ANKRD28: variants seen among roughly 807,000 people sequenced by gnomAD.
The protein encoded by ANKRD28 is serine/threonine-protein phosphatase 6 regulatory ankyrin repeat subunit A.
A neutral mutation model predicts 126.5 loss-of-function variants in ANKRD28; 44 were observed. The ratio of observed to expected loss-of-function variants is 0.35; its 90% CI spans 0.27 to 0.45. ANKRD28 has a LOEUF of 0.45. Ranked by LOEUF, ANKRD28 falls within the 20% of genes least tolerant of loss-of-function variation. The pLI, the probability that ANKRD28 is intolerant of heterozygous loss-of-function variation, is 1.00. For missense variants in ANKRD28, 1,110 were observed against 1,316.6 expected (o/e 0.84, Z 2.43); for synonymous variants, 442 against 468.5 (o/e 0.94, Z 0.73).
intron 21 of ANKRD28, among the ~76,000 whole-genome samples, chr3:15,681,454 AG>A (rs2067538363): frequency 6.6e-6 from 1 of 152,208 alleles, no homozygotes; most frequent in Non-Finnish European, 1.5e-5. Context: ...TTCCAGAGCC[AG>A]GGTTTTAATT....
intron 2 of ANKRD28, among the ~76,000 whole-genome samples, chr3:15,768,217 T>C (rs1004635525): frequency 1.3e-5 from 2 of 152,230 alleles, no homozygotes; most frequent in Non-Finnish European, 2.9e-5. Flanking sequence ...TGAAAAATTA[T>C]ACTTCATTTT....
intron 4 of ANKRD28, among the ~76,000 whole-genome samples, chr3:15,746,576 G>C (rs1402649129): frequency 1.3e-5 from 2 of 152,146 alleles, no homozygotes; most frequent in East Asian, 3.8e-4. Flanking sequence ...CCTGATCATG[G>C]TGGATTATCT....
intron 7 of ANKRD28, 110 bp from the exon 8 acceptor site, chr3:15,721,237 G>C: frequency 1.1e-6 from 1 of 884,516 alleles, no homozygotes; most frequent in Admixed American, 2.3e-5. Context: ...GTGAGAAACG[G>C]AGACAAGATA....
chr3:15,745,725 T>A (rs1018808723), intron 4 of ANKRD28, among the ~76,000 whole-genome samples: 2 of 91,560 alleles, frequency 2.2e-5, no homozygotes, highest in African/African-American at 5.9e-5. Context: ...TTTCAGAATT[T>A]TTTTTTTCTA....
intron 1 of ANKRD28, chr3:15,859,315 G>A: frequency 6.6e-7 from 1 of 1,510,480 alleles, no homozygotes; most frequent in African/African-American, 1.4e-5. Flanking sequence ...CCACACCGCC[G>A]GTCCGCCCTG....
At chr3:15,855,178 G>A (rs1036422993) in intron 1 of ANKRD28, among the ~76,000 whole-genome samples, 14 of 152,034 alleles carry the variant, frequency 9.2e-5, no homozygotes, top group African/African-American at 3.4e-4. Context: ...GATTTCCCAA[G>A]AACCGTCATT....
intron 7 of ANKRD28, among the ~76,000 whole-genome samples, chr3:15,721,542 T>C (rs1410093538): frequency 2.6e-5 from 4 of 152,196 alleles, no homozygotes; most frequent in Admixed American, 2.6e-4. Flanking sequence ...TTCATCTTTT[T>C]CATTTTGCAG....
At chr3:15,692,731 A>G (rs375403640) in intron 17 of ANKRD28, among the ~76,000 whole-genome samples, 1 of 152,222 alleles carries the variant, frequency 6.6e-6, no homozygotes, top group African/African-American at 2.4e-5. Context: ...TGAAATGCAA[A>G]AGTGGTGGTA....
chr3:15,782,802 C>G (rs1486485570), intron 2 of ANKRD28, among the ~76,000 whole-genome samples: 3 of 152,078 alleles, frequency 2.0e-5, no homozygotes, highest in Non-Finnish European at 4.4e-5. Context: ...AGAGTGGGAA[C>G]CTGGGCGAGA....
chr3:15,677,326 T>C (rs1359942856), intron 25 of ANKRD28, among the ~76,000 whole-genome samples, 154 bp downstream of exon 25: 2 of 152,240 alleles, frequency 1.3e-5, no homozygotes, highest in Non-Finnish European at 2.9e-5. Flanking sequence ...TGATACGCCA[T>C]GGTGCCTTAT....
In ANKRD28 at chr3:15,675,846, A is replaced by G. The variant is rs1216468121; in HGVS notation, c.2965+52T>C. 7.8e-6 allele frequency: 11 copies of G among 1,406,480 alleles called. No homozygotes were observed. In the East Asian group the frequency reaches 2.6e-4, roughly 34 times the overall value. The allele number at this position is 1,406,480 out of a possible 1,614,324, so 87.1% of individuals were successfully genotyped here. On this transcript the variant is annotated intron_variant, in intron 27 of 27. Transcript: ENST00000683139. ...CAAGTTTATTTCTCTTCAAATATGG[A>G]TCAAAAGATAAAAGCTCTAGGTTAA...
At position 15,843,479 on chromosome 3, in the gene ANKRD28, GCAGGAGGA is replaced by G. The variant is rs1227934138; in HGVS notation, c.27+15890_27+15897del. On this transcript the variant is annotated intron_variant, in intron 1 of 27. Coordinates refer to the ANKRD28 transcript ENST00000399451. The surrounding 1 kb of genome is among the most constrained non-coding windows in gnomAD (Gnocchi z 5.2). Reference sequence around the variant, plus strand: ...CACCAATATACAACAATATGTAGTGGCAGGAGGAGAAGTACAAAAAAAATGAAAAATAA... The same window carrying G: ...CACCAATATACAACAATATGTAGTGGGAAGTACAAAAAAAATGAAAAATAA... Among the ~76,000 whole-genome samples the G allele has an allele frequency of 6.6e-6, 1 of 152,044 alleles. No homozygotes were observed. The highest frequency in any genetic ancestry group is 1.5e-5 in the Non-Finnish European group (1 of 68,022).
intron 16 of ANKRD28, 95 bp from the exon 17 acceptor site, chr3:15,694,908 T>C (rs1242945877): frequency 4.5e-5 from 53 of 1,186,968 alleles, no homozygotes; most frequent in Middle Eastern, 1.9e-4. Context: ...AGAGTATTAT[T>C]TGGCAACTCA....
chr3:15,749,314 T>C (rs1559467174), intron 4 of ANKRD28, among the ~76,000 whole-genome samples: 1 of 151,210 alleles, frequency 6.6e-6, no homozygotes, highest in Non-Finnish European at 1.5e-5. Context: ...GGGTTTCACC[T>C]TGTTAGCCAG....
intron 2 of ANKRD28, among the ~76,000 whole-genome samples, chr3:15,794,211 A>G (rs75117859): frequency 0.012 from 1,855 of 152,332 alleles, 35 homozygotes; most frequent in African/African-American, 0.043. Flanking sequence ...CCCAATGTTA[A>G]AATTAACAAC....
chr3:15,804,892 G>A lies in ANKRD28; in HGVS notation c.28-9586C>T, dbSNP rs2060543873. ...AAATAGAAGGATCACCTAGCCAAAT[G>A]GTATGTGCCTCAAAGGAAGGAAGGT... On this transcript the variant is annotated intron_variant, in intron 1 of 27. Transcript: ENST00000399451. Among the ~76,000 whole-genome samples the A allele has an allele frequency of 2.1e-5, 3 of 145,344 alleles. No individual in the cohort carries two copies. In the South Asian group the frequency reaches 6.9e-4, roughly 34 times the overall value.
chr3:15,702,087 A>G (rs898670142), intron 14 of ANKRD28, among the ~76,000 whole-genome samples: 8 of 152,252 alleles, frequency 5.3e-5, no homozygotes, highest in Admixed American at 2.0e-4. Context: ...ATAAATTTTC[A>G]TAATTACTCT....
At chr3:15,737,011 G>C in intron 5 of ANKRD28, 22 bp downstream of exon 5, 1 of 1,611,758 alleles carries the variant, frequency 6.2e-7, no homozygotes, top group Non-Finnish European at 8.5e-7. Context: ...GAAAAATAAT[G>C]GTCTAATTGA....
At position 15,795,524 on chromosome 3, in the gene ANKRD28, C is replaced by G. The variant is rs191839231; in HGVS notation, c.118-218G>C. On this transcript the variant is annotated intron_variant, in intron 1 of 27. Transcript: ENST00000683139. ...AAAAAAAAATCAATTCAGTTTGACC[C>G]AATTTAGGTAGTATAATAAACAAAA... is the stretch of plus-strand genomic sequence containing the variant. 1.2e-4 allele frequency among the ~76,000 whole-genome samples: 18 copies of G among 151,932 alleles called. No homozygotes were observed. In the East Asian group the frequency reaches 3.5e-3, roughly 29 times the overall value.
Sources: gnomAD v4.1 joint callset for allele counts (sites outside exome capture counted in the v4.1 genomes callset) on GRCh38, gnomAD v4.1.1 for gene constraint, Gnocchi (gnomAD v3.1) non-coding constraint, MANE v1.5 for transcripts, NCBI Gene and HGNC (gene_info 2026-07-23, HGNC 2026-07-21) for gene names.